Variants in DYNC1I1 observed in about 807,000 individuals in gnomAD.
DYNC1I1 encodes the protein dynein cytoplasmic 1 intermediate chain 1, also known as cytoplasmic dynein 1 intermediate chain 1.
A neutral mutation model predicts 86.6 loss-of-function variants in DYNC1I1; 43 were observed. That is an observed-to-expected ratio of 0.50 (90% confidence interval 0.39 to 0.64). DYNC1I1 has a LOEUF of 0.64. Ranked by LOEUF, DYNC1I1 falls within the 30% of genes least tolerant of loss-of-function variation. DYNC1I1 has a pLI of 0.00. For missense variants in DYNC1I1, 604 were observed against 788.8 expected, an observed-to-expected ratio of 0.77 and a Z score of 2.81; for synonymous variants, 262 against 283.7, an observed-to-expected ratio of 0.92 and a Z score of 0.77.
chr7:95,878,086 C>T (rs980114081), intron 6 of DYNC1I1, among the ~76,000 whole-genome samples: 2 of 151,994 alleles, frequency 1.3e-5, no homozygotes, highest in African/African-American at 4.8e-5. Context: ...CAATAACAAA[C>T]CTGGGGGTTG....
intron 5 of DYNC1I1, among the ~76,000 whole-genome samples, chr7:95,859,709 A>C (rs1302581337): frequency 6.6e-6 from 1 of 152,242 alleles, no homozygotes; most frequent in Non-Finnish European, 1.5e-5. Context: ...TAGTGGTGTG[A>C]ATCAGAGACT....
At chr7:96,002,444 G>T (rs1430576306) in intron 10 of DYNC1I1, among the ~76,000 whole-genome samples, 2 of 152,158 alleles carry the variant, frequency 1.3e-5, no homozygotes, top group Admixed American at 1.3e-4. Flanking sequence ...ACACAGCCTG[G>T]AATTATAATT....
intron 1 of DYNC1I1, among the ~76,000 whole-genome samples, chr7:95,777,256 CCA>C (rs1425366454): frequency 7.2e-5 from 11 of 152,184 alleles, no homozygotes; most frequent in Non-Finnish European, 1.6e-4. Context: ...AGTTGAAACT[CCA>C]CACTTTTGCT....
chr7:95,839,234 T>C (rs1789209282), intron 5 of DYNC1I1, among the ~76,000 whole-genome samples: 1 of 152,172 alleles, frequency 6.6e-6, no homozygotes, highest in Admixed American at 6.5e-5. Flanking sequence ...TTTCACCATG[T>C]TGGCCGGGCT....
intron 10 of DYNC1I1, among the ~76,000 whole-genome samples, chr7:96,007,233 C>T (rs1431227746): frequency 1.3e-5 from 2 of 152,032 alleles, no homozygotes; most frequent in Non-Finnish European, 2.9e-5. Flanking sequence ...ACTCTGTGAG[C>T]CTCTCAGACC....
chr7:96,037,838 C>A lies in DYNC1I1; in HGVS notation c.1365-1439C>A, dbSNP rs967855288. Among the ~76,000 whole-genome samples, 51 of 152,012 alleles carry A rather than the reference C, an allele frequency of 3.4e-4. 1 individual carries two copies. Among genetic ancestry groups the A allele is most frequent in the Non-Finnish European group, 1.3e-4 (9 of 68,002 alleles). The stretch of plus-strand genomic sequence containing the variant: ...TCCATCTGAAATATAAAATACAGAC[C>A]TTAGTAACATTGTAACGTAGCAGGC... On this transcript the variant is annotated intron_variant, in intron 13 of 16. Transcript: ENST00000447467.
intron 6 of DYNC1I1, among the ~76,000 whole-genome samples, chr7:95,931,116 T>C (rs1448325331): frequency 6.6e-6 from 1 of 152,190 alleles, no homozygotes; most frequent in African/African-American, 2.4e-5. Context: ...ATCTTTTAAA[T>C]ATGTTTTTAA....
At chr7:96,006,371 C>A (rs149585020) in intron 10 of DYNC1I1, among the ~76,000 whole-genome samples, 2,323 of 152,254 alleles carry the variant, frequency 0.015, 79 homozygotes, top group African/African-American at 0.053. Context: ...AAAACCCCAC[C>A]TGAGCCTTTC....
At chr7:95,914,435 T>C (rs999098529) in intron 6 of DYNC1I1, among the ~76,000 whole-genome samples, 1 of 152,248 alleles carries the variant, frequency 6.6e-6, no homozygotes, top group South Asian at 2.1e-4. Flanking sequence ...CTTACCCATA[T>C]TGGGTCAGTC....
chr7:95,942,354 A>T (rs902083457), intron 6 of DYNC1I1, among the ~76,000 whole-genome samples: 1 of 152,218 alleles, frequency 6.6e-6, no homozygotes, highest in African/African-American at 2.4e-5. Context: ...GACCAATAGC[A>T]GGCTCTGAAA....
chr7:95,973,154 A>G (rs989415475), intron 6 of DYNC1I1, among the ~76,000 whole-genome samples: 2 of 152,248 alleles, frequency 1.3e-5, no homozygotes, highest in Admixed American at 1.3e-4. Context: ...GCAGGTCTAC[A>G]TAAATCCTTT....
chr7:95,922,442 C>T (rs376705328), intron 6 of DYNC1I1, among the ~76,000 whole-genome samples: 2 of 152,052 alleles, frequency 1.3e-5, no homozygotes, highest in African/African-American at 2.4e-5. Flanking sequence ...CTATTTTGCT[C>T]GGTTTGCCTT....
chr7:96,050,482 A>G (rs1789373712), intron 14 of DYNC1I1, among the ~76,000 whole-genome samples: 1 of 152,242 alleles, frequency 6.6e-6, no homozygotes, highest in Admixed American at 6.5e-5. Context: ...TGAATAGTTA[A>G]TATTTCCATT....
chr7:95,979,762 A>G (rs1274309530), intron 7 of DYNC1I1, among the ~76,000 whole-genome samples: 1 of 152,204 alleles, frequency 6.6e-6, no homozygotes. Flanking sequence ...GAGAAGATTC[A>G]GCATTTTAAC....
chr7:95,916,477 A>C (rs575324397), intron 6 of DYNC1I1, among the ~76,000 whole-genome samples: 9 of 152,206 alleles, frequency 5.9e-5, no homozygotes, highest in Non-Finnish European at 1.3e-4. Context: ...ATGTTTATTT[A>C]TAAAAACGAT....
rs200615558 is a variant in DYNC1I1 at position 96,109,213 on chromosome 7, T to A, written c.1543-766T>A. ...CTTATTTTCCTGCTTTCTTTTTTTT[T>A]AATTTTATTATTATTATACTTTAAG... On this transcript the variant is annotated intron_variant, in intron 16 of 16. Transcript: ENST00000537881. Among the ~76,000 whole-genome samples, 33 of 152,080 alleles carry A rather than the reference T, an allele frequency of 2.2e-4. No individual in the cohort carries two copies. The East Asian group carries it at 4.6e-3, about 21-fold the overall frequency.
intron 6 of DYNC1I1, among the ~76,000 whole-genome samples, chr7:95,882,250 G>A (rs1024135235): frequency 5.3e-5 from 8 of 152,108 alleles, no homozygotes; most frequent in African/African-American, 1.9e-4. Flanking sequence ...TTCAATAATA[G>A]GTATTGTTTT....
intron 9 of DYNC1I1, among the ~76,000 whole-genome samples, chr7:95,992,860 TGGCCTCAACCTCTGTGTTGGA>T (rs1171895604): frequency 6.6e-6 from 1 of 152,148 alleles, no homozygotes; most frequent in African/African-American, 2.4e-5. Flanking sequence ...AGTGATCTGC[TGGCCTCAACCTCTGTGTTGGA>T]GGCCTCAACC....
chr7:96,072,138 G>A (rs769211143), intron 14 of DYNC1I1, among the ~76,000 whole-genome samples: 4 of 152,264 alleles, frequency 2.6e-5, no homozygotes, highest in South Asian at 2.1e-4. Context: ...GGCACACAAC[G>A]AACACCCAAA....
Sources: allele counts gnomAD v4.1 joint callset (sites outside exome capture counted in the v4.1 genomes callset), GRCh38; gene constraint gnomAD v4.1.1; transcripts MANE v1.5; gene names NCBI Gene and HGNC (gene_info 2026-07-23, HGNC 2026-07-21).